The following NLRP2 variants were observed in gnomAD, a reference collection of about 807,000 sequenced individuals.
NLRP2 encodes NLR family pyrin domain containing 2, also known as NACHT, LRR and PYD domains-containing protein 2.
In NLRP2, 107 loss-of-function variants were observed where a neutral mutation model predicts 97.2. That is an observed-to-expected ratio of 1.10 (90% CI 0.94 to 1.29). The LOEUF is 1.29. Ranked by LOEUF, NLRP2 falls within the 50% of genes most tolerant of loss-of-function variation. NLRP2 has a pLI of 0.00. For synonymous variants in NLRP2, 663 were observed against 551.5 expected, an observed-to-expected ratio of 1.20 and a Z score of -2.83; for missense variants, 1,495 against 1,330.3, an observed-to-expected ratio of 1.12 and a Z score of -1.93.
intron 3 of NLRP2, among the ~76,000 whole-genome samples, chr19:54,977,176 A>AG (rs2071291890): frequency 6.6e-6 from 1 of 151,984 alleles, no homozygotes; most frequent in South Asian, 2.1e-4. Context: ...ATCAGAAACT[A>AG]GGGGGTTAGG....
chr19:54,974,621 C>T, intron 3 of NLRP2, 77 bp downstream of exon 3: 1 of 1,042,844 alleles, frequency 9.6e-7, no homozygotes, highest in Non-Finnish European at 1.5e-6. Flanking sequence ...GGAGAATGTG[C>T]TGAGCACTAA....
At position 54,990,544 on chromosome 19, in the gene NLRP2, T is replaced by C. The variant is rs2146504519; in HGVS notation, c.2580T>C (p.Leu860=). ...CHLTEANCKD[L]AAVLVVSREL... ...TTACAGAAGCCAATTGCAAGGACCT[T>C]GCTGCTGTGTTGGTTGTCAGCCGGG... Residue 860 remains leucine (L), a synonymous_variant, in exon 10 of 13, where the codon CTT becomes CTC. Transcript: ENST00000448584. 1 of 1,614,184 alleles carries C rather than the reference T, an allele frequency of 6.2e-7. No individual in the cohort carries two copies. The highest frequency in any genetic ancestry group is 2.2e-5 in the East Asian group (1 of 44,880).
intron 12 of NLRP2, among the ~76,000 whole-genome samples, chr19:54,998,004 G>A (rs2072932184): frequency 1.4e-5 from 2 of 147,724 alleles, no homozygotes; most frequent in South Asian, 4.3e-4. Context: ...GGGTTTTGGG[G>A]TTTTGTTTTG....
At chr19:54,989,755 G>C in intron 8 of NLRP2, 1 of 555,606 alleles carries the variant, frequency 1.8e-6, no homozygotes, top group Non-Finnish European at 3.2e-6. Flanking sequence ...AGGCCGAGGT[G>C]GGCAGATCAC....
chr19:54,987,561 G>GT (rs968830304), intron 8 of NLRP2, among the ~76,000 whole-genome samples: 1 of 152,122 alleles, frequency 6.6e-6, no homozygotes, highest in African/African-American at 2.4e-5. Flanking sequence ...GGTCAACATG[G>GT]TGAAACTCTG....
chr19:54,988,167 C>T (rs2072222107), intron 8 of NLRP2, among the ~76,000 whole-genome samples: 1 of 152,114 alleles, frequency 6.6e-6, no homozygotes, highest in African/African-American at 2.4e-5. Context: ...GAAACCAAGC[C>T]CATGCATTCA....
chr19:54,983,848 C>T lies in NLRP2; in HGVS notation c.2030+120C>T, dbSNP rs1276100854. On this transcript the variant is annotated intron_variant, in intron 6 of 12. Transcript: ENST00000448584. ...GGGTCAGGAATTCCCTCTTGTTGGA[C>T]TCTTTGTTTGTTTTTGTTTTGAGAT... The T allele has an allele frequency of 4.3e-6, 6 of 1,385,206 alleles. No individual in the cohort carries two copies. The African/African-American group carries it at 7.1e-5, about 16-fold the overall frequency. The allele number at this position is 1,385,206 out of a possible 1,614,324, so 85.8% of individuals were successfully genotyped here. A position where few individuals can be genotyped will look rare whatever the true frequency, so the allele number is the denominator to read the frequency against.
At chr19:54,972,088 C>T (rs184056037) in intron 2 of NLRP2, among the ~76,000 whole-genome samples, 59 of 151,420 alleles carry the variant, frequency 3.9e-4, no homozygotes, top group Admixed American at 9.2e-4. Flanking sequence ...ATGATCTGCC[C>T]GCCTCGGCCT....
At chr19:54,978,788 A>G (rs1389106763) in intron 4 of NLRP2, among the ~76,000 whole-genome samples, 1 of 150,834 alleles carries the variant, frequency 6.6e-6, no homozygotes, top group Admixed American at 6.6e-5. Flanking sequence ...TGGAGGTTGC[A>G]GTGAGCCAAG....
At position 54,983,627 on chromosome 19, in the gene NLRP2, CG is replaced by C. The variant is rs759050200; in HGVS notation, c.1930del (p.Val644SerfsTer14). 1 of 1,614,120 alleles carries C rather than the reference CG, an allele frequency of 6.2e-7. No homozygotes were observed. The highest frequency in any genetic ancestry group is 2.2e-5 in the East Asian group (1 of 44,890). ...TAGACGTTGTGCCATCTTCATTCTG[CG>C]TCAAGCACTGTCGAAACCTGCAGAA... ...AVDVVPSSFC[V>X]KHCRNLQKMS... On this transcript the variant is annotated frameshift_variant, in exon 6 of 13. Coordinates refer to ENST00000448584, the MANE Select transcript of NLRP2 (RefSeq NM_017852.5). LOFTEE classifies it high-confidence loss of function.
intron 4 of NLRP2, 106 bp from the exon 5 acceptor site, chr19:54,981,511 C>CCCCA: frequency 1.1e-5 from 3 of 265,228 alleles, no homozygotes; most frequent in South Asian, 3.2e-5. Flanking sequence ...GATCCCGTGC[C>CCCCA]CCCCCTCCCC....
intron 2 of NLRP2, chr19:54,974,069 C>T (rs1335788895): frequency 6.9e-6 from 7 of 1,011,450 alleles, no homozygotes; most frequent in Admixed American, 1.8e-5. Flanking sequence ...TTAAAAGATA[C>T]AAGCAGCCAA....
Position 54,983,696 on chromosome 19 carries a change from C to T in NLRP2, c.1998C>T (p.Val666=). The change falls in exon 6 of 13, where the codon GTC becomes GTT. Residue 666 remains valine, a synonymous_variant. Transcript: ENST00000448584. ...QVIKENLPEN[V]TASESDAEVE... is the part of the protein sequence containing the mutation. ...TAAAGGAGAATCTCCCGGAGAATGT[C>T]ACTGCGTCTGAATCAGACGCCGAGG... 2 of 1,613,304 alleles carry T rather than the reference C, an allele frequency of 1.2e-6. No homozygotes were observed. The highest frequency in any genetic ancestry group is 4.5e-5 in the East Asian group (2 of 44,884).
intron 4 of NLRP2, among the ~76,000 whole-genome samples, chr19:54,979,950 G>C (rs534463387): frequency 2.0e-5 from 3 of 151,434 alleles, no homozygotes; most frequent in African/African-American, 7.3e-5. Context: ...CTAATTTTTT[G>C]TATTTTAGTA....
rs766281650 is a variant in NLRP2 at position 54,977,789 on chromosome 19, C to A, written c.363C>A (p.Asp121Glu). The change falls in exon 4 of 13, where the codon GAC becomes GAA. Residue 121 changes from aspartate to glutamate, a missense_variant. Physicochemically the swap from Asp to Glu is conservative, Grantham distance 45. Coordinates refer to ENST00000448584, the MANE Select transcript of NLRP2 (RefSeq NM_017852.5). ...TRKERPPLDV[D>E]EMLERFKTEA... ...AAGAACGACCACCTCTAGACGTGGA[C>A]GAAATGCTGGAGCGCTTCAAAACAG... is the stretch of plus-strand genomic sequence containing the variant. 1.2e-5 allele frequency: 19 copies of A among 1,613,686 alleles called. No individual in the cohort carries two copies. Among genetic ancestry groups the A allele is most frequent in the Middle Eastern group, 3.3e-4 (2 of 6,084 alleles).
rs745782532 is a variant in NLRP2, at chr19:55,000,815, G to GA, written c.3113dup (p.Asn1038LysfsTer7). 4 of 1,613,436 alleles carry GA rather than the reference G, an allele frequency of 2.5e-6. No individual in the cohort carries two copies. In the East Asian group the frequency reaches 6.7e-5, roughly 27 times the overall value. On this transcript the variant is annotated frameshift_variant, in exon 13 of 13. Transcript: ENST00000448584. LOFTEE classifies it low-confidence loss of function (END_TRUNC). ...CAATAAGCTGCTGGAAGAAATAGAAGAAAAAAACCCACAACTGATTATTGA... is the reference window on the plus strand; with the variant it reads ...CAATAAGCTGCTGGAAGAAATAGAAGAAAAAAAACCCACAACTGATTATTGA...
intron 4 of NLRP2, among the ~76,000 whole-genome samples, chr19:54,978,963 G>C (rs1400848858): frequency 6.6e-6 from 1 of 151,822 alleles, no homozygotes; most frequent in Non-Finnish European, 1.5e-5. Flanking sequence ...ACTTGCCTGA[G>C]CTGACTTTGT....
chr19:54,975,106 G>GTTTTTTT lies in NLRP2; in HGVS notation c.325+593_325+599dup, dbSNP rs558518586. Among the ~76,000 whole-genome samples the GTTTTTTT allele has an allele frequency of 2.6e-3, 153 of 58,706 alleles. 42 individuals carry two copies. The highest frequency in any genetic ancestry group is 4.5e-3 in the Non-Finnish European group (129 of 28,948). 38.5% of individuals were successfully genotyped at this position (58,706 alleles called of 152,430 possible). The stretch of plus-strand genomic sequence containing the variant: ...ATGAGCCACCACCACACCCGGTTTT[G>GTTTTTTT]TTTTTTTTTTTTTTTTTTTTTTTTT... On this transcript the variant is annotated intron_variant, in intron 3 of 12. Transcript: ENST00000448584.
At chr19:54,975,831 G>A (rs2071197679) in intron 3 of NLRP2, among the ~76,000 whole-genome samples, 1 of 151,848 alleles carries the variant, frequency 6.6e-6, no homozygotes, top group African/African-American at 2.4e-5. Flanking sequence ...GCTCATTGCA[G>A]CCTCAACCTT....
Sources: gnomAD v4.1 joint callset for allele counts (sites outside exome capture counted in the v4.1 genomes callset) on GRCh38, gnomAD v4.1.1 for gene constraint, MANE v1.5 for transcripts, NCBI Gene and HGNC (gene_info 2026-07-23, HGNC 2026-07-21) for gene names.